Variants in TLCD3B observed in about 807,000 individuals in gnomAD.
TLCD3B encodes the protein ceramide synthase.
TLCD3B carries 9 observed loss-of-function variants against 23.0 expected under a neutral mutation model. The ratio of observed to expected loss-of-function variants is 0.39; its 90% CI spans 0.24 to 0.68. The LOEUF (loss-of-function observed/expected upper bound fraction) is 0.68. TLCD3B is among the 30% of genes least tolerant of loss of function. TLCD3B has a pLI of 0.44. For missense variants in TLCD3B, 307 were observed against 371.8 expected, an observed-to-expected ratio of 0.83 and a Z score of 1.43; for synonymous variants, 161 against 161.0, an observed-to-expected ratio of 1.00 and a Z score of 0.00.
chr16:30,039,185 G>A (rs571057480), intron 3 of TLCD3B, among the ~76,000 whole-genome samples: 15 of 133,710 alleles, frequency 1.1e-4, no homozygotes, highest in African/African-American at 4.2e-4. Context: ...GCGCAATAGC[G>A]CAATCTCAGC....
At chr16:30,046,966 A>G (rs1417555116) in intron 1 of TLCD3B, among the ~76,000 whole-genome samples, 1 of 152,180 alleles carries the variant, frequency 6.6e-6, no homozygotes, top group Non-Finnish European at 1.5e-5. Context: ...GTCATTCAAA[A>G]TGTATATATT....
chr16:30,035,343 C>G, upstream of TLCD3B: 1 of 1,289,546 alleles, frequency 7.8e-7, no homozygotes, highest in Admixed American at 2.3e-5. Context: ...TCACCCTGGT[C>G]CTCTTACTTG....
intron 1 of TLCD3B, among the ~76,000 whole-genome samples, chr16:30,049,869 C>T (rs1445194962): frequency 6.0e-5 from 9 of 150,958 alleles, no homozygotes; most frequent in South Asian, 4.2e-4. Context: ...GGTTGCAGTG[C>T]GCTGAGATCG....
chr16:30,032,414 C>G (rs533810121), upstream of TLCD3B, among the ~76,000 whole-genome samples: 4 of 152,286 alleles, frequency 2.6e-5, no homozygotes, highest in Admixed American at 2.6e-4. Context: ...GTGCTGCCCT[C>G]TAGCGGCAAT....
At chr16:30,039,101 CTCT>C (rs1859999194) in intron 3 of TLCD3B, among the ~76,000 whole-genome samples, 4 of 120,894 alleles carry the variant, frequency 3.3e-5, no homozygotes, top group East Asian at 2.6e-4. Flanking sequence ...CCTCCTTCCT[CTCT>C]TTTTTTTTTT....
intron 1 of TLCD3B, among the ~76,000 whole-genome samples, chr16:30,047,183 ATCT>A (rs2071687416): frequency 6.6e-6 from 1 of 151,662 alleles, no homozygotes; most frequent in African/African-American, 2.4e-5. Context: ...CTATCTATCT[ATCT>A]ATCTATCTAG....
At chr16:30,035,549 G>A (rs2071452101), upstream of TLCD3B, 5 of 1,263,794 alleles carry the variant, frequency 4.0e-6, no homozygotes, top group Middle Eastern at 9.3e-4. Flanking sequence ...AGACCCCCCA[G>A]CAGCCTTCTT....
At chr16:30,035,264 C>T (rs2071445618), upstream of TLCD3B, 1 of 1,257,496 alleles carries the variant, frequency 8.0e-7, no homozygotes, top group Non-Finnish European at 1.0e-6. Context: ...TCTGCTTCTG[C>T]TTTCACCACA....
At chr16:30,034,332 G>A (rs1328750289), upstream of TLCD3B, among the ~76,000 whole-genome samples, 2 of 151,018 alleles carry the variant, frequency 1.3e-5, no homozygotes, top group East Asian at 1.9e-4. Context: ...CCAGCACTTC[G>A]GAGGCTGAGA....
At chr16:30,036,507 G>C (rs963331522) in intron 3 of TLCD3B, 8 of 1,002,116 alleles carry the variant, frequency 8.0e-6, no homozygotes, top group South Asian at 5.0e-5. Flanking sequence ...GGACCTTCTC[G>C]GGATAAAAGG....
intron 1 of TLCD3B, among the ~76,000 whole-genome samples, chr16:30,048,764 G>A (rs572680382): frequency 2.0e-4 from 31 of 151,522 alleles, no homozygotes; most frequent in African/African-American, 7.0e-4. Context: ...GCACCACCAC[G>A]CCCAGCTATT....
chr16:30,042,784 T>G (rs1181153953), intron 2 of TLCD3B, among the ~76,000 whole-genome samples: 2 of 152,106 alleles, frequency 1.3e-5, no homozygotes, highest in Non-Finnish European at 2.9e-5. Context: ...TGTTGTTGTT[T>G]TTCTCTATTT....
Position 30,039,746 on chromosome 16 carries a change from G to A in TLCD3B, c.-67+1249C>T, listed in dbSNP as rs572634125. Among the ~76,000 whole-genome samples the A allele has an allele frequency of 1.5e-3, 235 of 152,112 alleles. 1 individual carries two copies. The highest frequency in any genetic ancestry group is 4.1e-3 in the African/African-American group (169 of 41,530). ...CTTGCCTTGGCCTCCTAAAGTGCTGGGATTACAGGCATGAGCCACCATGCT... is the reference window on the plus strand; with the variant it reads ...CTTGCCTTGGCCTCCTAAAGTGCTGAGATTACAGGCATGAGCCACCATGCT... On this transcript the variant is annotated intron_variant, in intron 3 of 6. Transcript: ENST00000561666.
intron 3 of TLCD3B, chr16:30,036,510 A>G: frequency 3.0e-6 from 3 of 1,001,778 alleles, no homozygotes; most frequent in Non-Finnish European, 3.9e-6. Context: ...CCTTCTCGGG[A>G]TAAAAGGAAG....
intron 2 of TLCD3B, among the ~76,000 whole-genome samples, chr16:30,045,339 T>TGTTTGTGTGTGTGGTGTGTGTGTGTGTG (rs2071649330): frequency 1.5e-5 from 2 of 135,560 alleles, no homozygotes. Context: ...TGTTTGTGTG[T>TGTTTGTGTGTGTGGTGTGTGTGTGTGTG]GTTTGTGTGT....
chr16:30,025,214 C>G lies in TLCD3B; in HGVS notation c.794G>C (p.Arg265Pro). The G allele has an allele frequency of 6.7e-7, 1 of 1,498,242 alleles. No homozygotes were observed. The highest frequency in any genetic ancestry group is 8.9e-7 in the Non-Finnish European group (1 of 1,127,908). 92.8% of individuals were successfully genotyped at this position (1,498,242 alleles called of 1,614,324 possible). A position where few individuals can be genotyped will look rare whatever the true frequency, so the allele number is the denominator to read the frequency against. Residue 265 changes from arginine to proline, a missense_variant, in exon 5 of 5, where the codon CGG becomes CCG. Arg to Pro is a moderately radical substitution (Grantham distance 103). Transcript: ENST00000380495. This position sits in a 1 kb window ranked among gnomAD's most constrained non-coding sequence, Gnocchi z 4.1. ...GACRLFWPRSRPPPACQAQD is the reference protein window; with the variant it reads ...GACRLFWPRSPPPPACQAQD Reference sequence around the variant, plus strand: ...CTGGGCCTGGCAGGCCGGGGGCGGCCGGGAGCGGGGCCAGAAGAGGCGGCA... The same window carrying G: ...CTGGGCCTGGCAGGCCGGGGGCGGCGGGGAGCGGGGCCAGAAGAGGCGGCA...
At chr16:30,038,124 G>A (rs1409002782) in intron 3 of TLCD3B, among the ~76,000 whole-genome samples, 1 of 152,152 alleles carries the variant, frequency 6.6e-6, no homozygotes, top group Admixed American at 6.6e-5. Flanking sequence ...TGAAGCTGCA[G>A]TTTTTAAAAT....
At chr16:30,045,437 T>TGTGTGTGGTGC (rs2071652931) in intron 2 of TLCD3B, among the ~76,000 whole-genome samples, 1 of 141,670 alleles carries the variant, frequency 7.1e-6, no homozygotes, top group Non-Finnish European at 1.5e-5. Context: ...GTGTGTGGTG[T>TGTGTGTGGTGC]GTGTGTGGTG....
rs1352468328 is a variant in TLCD3B at position 30,040,143 on chromosome 16, A to ATATATAT, written c.-67+851_-67+852insATATATA. ...AGCAAGACTTTGTCTCAAAAAAAAA[A>ATATATAT]AAAAATATATATATATATATATATA... On this transcript the variant is annotated intron_variant, in intron 3 of 6. Coordinates refer to the TLCD3B transcript ENST00000561666. Among the ~76,000 whole-genome samples the ATATATAT allele has an allele frequency of 4.9e-4, 51 of 103,578 alleles. 1 individual carries two copies. Among genetic ancestry groups the ATATATAT allele is most frequent in the African/African-American group, 1.7e-3 (46 of 26,630 alleles). The allele number at this position is 103,578 out of a possible 152,430, so 68.0% of individuals were successfully genotyped here.
Sources: allele counts gnomAD v4.1 joint callset (sites outside exome capture counted in the v4.1 genomes callset), GRCh38; gene constraint gnomAD v4.1.1; non-coding constraint Gnocchi (gnomAD v3.1); transcripts MANE v1.5; gene names NCBI Gene and HGNC (gene_info 2026-07-23, HGNC 2026-07-21).